The following NOL8 variants were observed in gnomAD, a reference collection of about 807,000 sequenced individuals.
The protein encoded by NOL8 is nucleolar protein 8.
NOL8 carries 93 observed loss-of-function variants against 116.1 expected under a neutral mutation model. That is an observed-to-expected ratio of 0.80 (90% CI 0.68 to 0.95). The LOEUF (loss-of-function observed/expected upper bound fraction) is 0.95, where lower values mean the gene tolerates loss of function less well. Among genes scored for constraint, NOL8 ranks in the 40% least tolerant of loss-of-function variants. NOL8 has a pLI of 0.00. For missense variants in NOL8, 1,291 were observed against 1,382.8 expected (o/e 0.93, Z 1.05); for synonymous variants, 419 against 469.0 (o/e 0.89, Z 1.38).
At chr9:92,316,173 G>A in intron 6 of NOL8, 35 bp from the exon 7 acceptor site, 3 of 1,565,530 alleles carry the variant, frequency 1.9e-6, no homozygotes, top group African/African-American at 1.4e-5. Context: ...TAAAGCACTT[G>A]GTTTTAGGAA....
chr9:92,310,749 C>T, intron 8 of NOL8, 74 bp from the exon 9 acceptor site: 2 of 1,478,008 alleles, frequency 1.4e-6, no homozygotes, highest in Non-Finnish European at 1.8e-6. Flanking sequence ...TAATCTTCTC[C>T]CTCACATTGA....
chr9:92,317,671 A>G (rs973169626), intron 6 of NOL8, among the ~76,000 whole-genome samples: 1 of 152,144 alleles, frequency 6.6e-6, no homozygotes, highest in Admixed American at 6.6e-5. Flanking sequence ...TGCATATATT[A>G]TAATCCCTCT....
Position 92,310,194 on chromosome 9 carries a change from G to C in NOL8, c.2663C>G (p.Thr888Ser), listed in dbSNP as rs984813280. 6.2e-6 allele frequency: 10 copies of C among 1,608,898 alleles called. No individual in the cohort carries two copies. Among genetic ancestry groups the C allele is most frequent in the Non-Finnish European group, 8.5e-6 (10 of 1,177,746 alleles). Reference protein sequence around the residue: ...RFRMDSRFLETDSEEEQEEVN... With the variant: ...RFRMDSRFLESDSEEEQEEVN... ...ACCTTCCTGTTCCTCTTCACTGTCA[G>C]TTTCTAGAAATCGAGAGTCCATGCG... Residue 888 changes from threonine (T) to serine (S), a missense_variant, in exon 10 of 17, where the codon ACT becomes AGT. By Grantham distance (58) the Thr-to-Ser change is moderately conservative (BLOSUM62 1). Transcript: ENST00000442668.
At chr9:92,303,873 A>C (rs1837978597) in intron 12 of NOL8, among the ~76,000 whole-genome samples, 1 of 152,190 alleles carries the variant, frequency 6.6e-6, no homozygotes. Flanking sequence ...GGTTAGAGGC[A>C]TTATCTCTCA....
intron 12 of NOL8, among the ~76,000 whole-genome samples, chr9:92,304,100 A>G (rs1838005453): frequency 1.3e-5 from 2 of 152,170 alleles, no homozygotes; most frequent in African/African-American, 4.8e-5. Flanking sequence ...CCAAATTTCT[A>G]TAAGCAAAAA....
At position 92,324,215 on chromosome 9, in the gene NOL8, T is replaced by G. The variant is rs1414420236; in HGVS notation, c.-48-6A>C. 1 of 1,557,452 alleles carries G rather than the reference T, an allele frequency of 6.4e-7. No homozygotes were observed. Among genetic ancestry groups the G allele is most frequent in the Non-Finnish European group, 8.7e-7 (1 of 1,147,804 alleles). On this transcript the variant is annotated splice_region_variant and splice_polypyrimidine_tract_variant and intron_variant, in intron 1 of 16. Coordinates refer to ENST00000442668, the MANE Select transcript of NOL8 (RefSeq NM_017948.6). ...TCAGTGGGAAAAGTAATTTTCTGTA[T>G]ACAGAGAAGAGTTCTTTCCCTTAGT...
intron 9 of NOL8, 33 bp from the exon 10 acceptor site, chr9:92,310,294 C>G: frequency 6.4e-7 from 1 of 1,555,332 alleles, no homozygotes; most frequent in Non-Finnish European, 8.8e-7. Context: ...TAATTGATAG[C>G]CACATTCCCA....
At chr9:92,320,044 G>C (rs1182023330) in intron 4 of NOL8, 3 of 455,838 alleles carry the variant, frequency 6.6e-6, no homozygotes, top group Non-Finnish European at 1.3e-5. Flanking sequence ...ATATACGTTT[G>C]GCATTTTATA....
In NOL8 at chr9:92,301,818, C is replaced by A; in HGVS notation, c.2908G>T (p.Ala970Ser). 6.3e-7 allele frequency: 1 copy of A among 1,580,308 alleles called. No individual in the cohort carries two copies. The change falls in exon 13 of 17, where the codon GCA becomes TCA. Residue 970 changes from alanine to serine, a missense_variant. Transcript: ENST00000442668. Reference protein sequence around the residue: ...KRDDKPKESKAKRKKKREEAE... With the variant: ...KRDDKPKESKSKRKKKREEAE... ...TCCTCCCTTTTCTTTTTTCGTTTTGCTTTACTGAAATGACATATGTAGACA... is the reference window on the plus strand; with the variant it reads ...TCCTCCCTTTTCTTTTTTCGTTTTGATTTACTGAAATGACATATGTAGACA...
At chr9:92,314,232 T>G in intron 7 of NOL8, 35 bp downstream of exon 7, 1 of 1,505,634 alleles carries the variant, frequency 6.6e-7, no homozygotes, top group Non-Finnish European at 8.9e-7. Context: ...ACTTTCTGAG[T>G]TCTTGTTAAA....
At position 92,314,854 on chromosome 9, in the gene NOL8, C is replaced by T; in HGVS notation, c.1771G>A (p.Asp591Asn). The change falls in exon 7 of 17, where the codon GAC (aspartate) becomes AAC (asparagine). Residue 591 changes from aspartate to asparagine, a missense_variant. By Grantham distance (23) the Asp-to-Asn change is conservative (BLOSUM62 1). Coordinates refer to ENST00000442668, the MANE Select transcript of NOL8 (RefSeq NM_017948.6). ...TCTTTATTGTTAGAGGCAACACTGT[C>T]TTTCAAGGATTTTTTCATTGACTCC... ...EKESMKKSLK[D>N]SVASNNKDQN... The T allele has an allele frequency of 6.2e-7, 1 of 1,613,358 alleles. No individual in the cohort carries two copies. The highest frequency in any genetic ancestry group is 1.1e-5 in the South Asian group (1 of 91,006).
In NOL8 at chr9:92,298,254, C is replaced by G; in HGVS notation, c.3453+3G>C. 6.3e-7 allele frequency: 1 copy of G among 1,595,388 alleles called. No individual in the cohort carries two copies. Among genetic ancestry groups the G allele is most frequent in the Non-Finnish European group, 8.6e-7 (1 of 1,168,356 alleles). On this transcript the variant is annotated splice_donor_region_variant and intron_variant, in intron 16 of 16. Coordinates refer to ENST00000442668, the MANE Select transcript of NOL8 (RefSeq NM_017948.6). ...GAAATAATATGGAGAAACAATTACT[C>G]ACCATACGCAGGTTGGTTGTTCTGG...
At position 92,299,982 on chromosome 9, in the gene NOL8, C is replaced by A; in HGVS notation, c.3210G>T (p.Lys1070Asn). ...AACGAGGGTCTTCCTGCCAGACAAT[C>A]TTTCCAGGTTTCACTGTTTCAACTC... Reference protein sequence around the residue: ...TYRVETVKPGKIVWQEDPRLQ... With the variant: ...TYRVETVKPGNIVWQEDPRLQ... The change falls in exon 14 of 17, where the codon AAG (lysine) becomes AAT (asparagine). Residue 1070 changes from lysine (K) to asparagine (N), a missense_variant. Transcript: ENST00000442668. 6.2e-7 allele frequency: 1 copy of A among 1,613,634 alleles called. No individual in the cohort carries two copies. Among genetic ancestry groups the A allele is most frequent in the Non-Finnish European group, 8.5e-7 (1 of 1,179,662 alleles).
intron 4 of NOL8, chr9:92,320,417 G>C (rs1318558109): frequency 4.2e-6 from 1 of 236,338 alleles, no homozygotes; most frequent in Non-Finnish European, 8.6e-6. Flanking sequence ...CCTGTTCACA[G>C]TCCTAGGCTT....
chr9:92,310,284 T>C (rs771136265), intron 9 of NOL8, 23 bp from the exon 10 acceptor site: 6 of 1,579,790 alleles, frequency 3.8e-6, no homozygotes, highest in East Asian at 2.3e-5. Flanking sequence ...AAAACATACA[T>C]AATTGATAGC....
intron 13 of NOL8, 101 bp downstream of exon 13, chr9:92,301,450 C>T: frequency 1.2e-6 from 1 of 861,248 alleles, no homozygotes. Context: ...AAGAAAGAGT[C>T]CTTTCTTCAG....
chr9:92,322,866 T>C (rs1462963039), intron 3 of NOL8: 2 of 152,756 alleles, frequency 1.3e-5, no homozygotes, highest in Non-Finnish European at 2.9e-5. Flanking sequence ...CCTCTTCCTC[T>C]ATTAGCGTGT....
In NOL8 at chr9:92,301,752, T is replaced by C; in HGVS notation, c.2974A>G (p.Asn992Asp). The change falls in exon 13 of 17, where the codon AAT (asparagine) becomes GAT (aspartate). Residue 992 changes from asparagine (N) to aspartate (D), a missense_variant. Coordinates refer to ENST00000442668, the MANE Select transcript of NOL8 (RefSeq NM_017948.6). Reference sequence around the variant, plus strand: ...ATTTCTTTCAGATCCATAGCAATATTATAATACATTTCTTTAGACACCTCA... The same window carrying C: ...ATTTCTTTCAGATCCATAGCAATATCATAATACATTTCTTTAGACACCTCA... ...LPEVSKEMYY[N>D]IAMDLKEIFQ... The C allele has an allele frequency of 6.2e-7, 1 of 1,603,000 alleles. No homozygotes were observed.
In NOL8 at chr9:92,323,249, C is replaced by G. The variant is rs773733406; in HGVS notation, c.202+192G>C. On this transcript the variant is annotated intron_variant, in intron 3 of 16. Coordinates refer to ENST00000442668, the MANE Select transcript of NOL8 (RefSeq NM_017948.6). Reference sequence around the variant, plus strand: ...AAGTAAACCCACCAGTAAAGTGCTACCATGTCTGCTGATGCCAAATGGAAT... The same window carrying G: ...AAGTAAACCCACCAGTAAAGTGCTAGCATGTCTGCTGATGCCAAATGGAAT... 36 of 1,477,150 alleles carry G rather than the reference C, an allele frequency of 2.4e-5. No individual in the cohort carries two copies. In the South Asian group the frequency reaches 3.8e-4, roughly 16 times the overall value. 91.5% of individuals were successfully genotyped at this position (1,477,150 alleles called of 1,614,324 possible).
Sources: gnomAD v4.1 joint callset for allele counts (sites outside exome capture counted in the v4.1 genomes callset) on GRCh38, gnomAD v4.1.1 for gene constraint, MANE v1.5 for transcripts, NCBI Gene and HGNC (gene_info 2026-07-23, HGNC 2026-07-21) for gene names.